Variants in PPP2R3A observed in about 807,000 individuals in gnomAD.
PPP2R3A encodes the protein protein phosphatase 2 regulatory subunit B''alpha, also known as serine/threonine-protein phosphatase 2A regulatory subunit B'' subunit alpha.
PPP2R3A carries 80 observed loss-of-function variants against 106.9 expected under a neutral mutation model. The observed-to-expected ratio is 0.75, with a 90% confidence interval of 0.62 to 0.90. The LOEUF (loss-of-function observed/expected upper bound fraction) is 0.90. Among genes scored for constraint, PPP2R3A ranks in the 40% least tolerant of loss-of-function variants. PPP2R3A has a pLI of 0.00. For missense variants in PPP2R3A, 1,386 were observed against 1,350.4 expected (o/e 1.03, Z -0.41); for synonymous variants, 483 against 468.3 (o/e 1.03, Z -0.41).
intron 10 of PPP2R3A, among the ~76,000 whole-genome samples, chr3:136,093,141 A>C (rs910750102): frequency 6.6e-6 from 1 of 152,330 alleles, no homozygotes; most frequent in African/African-American, 2.4e-5. Context: ...GGATGTGATG[A>C]CTCATGCCAG....
chr3:136,126,484 G>T (rs1938186824), intron 13 of PPP2R3A, among the ~76,000 whole-genome samples: 1 of 152,232 alleles, frequency 6.6e-6, no homozygotes, highest in Non-Finnish European at 1.5e-5. Flanking sequence ...GAACTGGGCA[G>T]AGCCCACCAC....
chr3:136,095,674 G>A (rs1937199484), intron 10 of PPP2R3A, among the ~76,000 whole-genome samples: 1 of 152,094 alleles, frequency 6.6e-6, no homozygotes, highest in South Asian at 2.1e-4. Context: ...TCATGAAATT[G>A]CTTGTTGCTT....
intron 5 of PPP2R3A, among the ~76,000 whole-genome samples, chr3:136,061,395 A>G (rs961157568): frequency 4.6e-5 from 7 of 152,136 alleles, no homozygotes; most frequent in Admixed American, 2.0e-4. Flanking sequence ...TGGGAAGCCA[A>G]GGCGGGCGGA....
chr3:136,102,985 G>A (rs1233486960), intron 11 of PPP2R3A, among the ~76,000 whole-genome samples: 1 of 152,092 alleles, frequency 6.6e-6, no homozygotes, highest in Admixed American at 6.5e-5. Context: ...GGTAATGGTT[G>A]TACAACATTG....
At chr3:136,049,081 T>C (rs1198450960) in intron 4 of PPP2R3A, among the ~76,000 whole-genome samples, 178 bp from the exon 5 acceptor site, 1 of 152,214 alleles carries the variant, frequency 6.6e-6, no homozygotes, top group African/African-American at 2.4e-5. Flanking sequence ...TAGACTTCAG[T>C]ACTCATCCAA....
chr3:136,048,630 C>T (rs1442002555), intron 4 of PPP2R3A, among the ~76,000 whole-genome samples: 1 of 151,610 alleles, frequency 6.6e-6, no homozygotes, highest in African/African-American at 2.4e-5. Context: ...TGAGATTGTG[C>T]CACTGCACTC....
intron 5 of PPP2R3A, among the ~76,000 whole-genome samples, chr3:136,054,187 A>G (rs539208712): frequency 1.1e-4 from 17 of 151,838 alleles, no homozygotes; most frequent in South Asian, 4.2e-4. Context: ...CCCTACACAC[A>G]TACACATACA....
chr3:136,097,931 A>G (rs1374663823), intron 10 of PPP2R3A, among the ~76,000 whole-genome samples: 1 of 152,238 alleles, frequency 6.6e-6, no homozygotes, highest in East Asian at 1.9e-4. Flanking sequence ...ATAGTTTGAC[A>G]GTGGGGCAGC....
intron 1 of PPP2R3A, among the ~76,000 whole-genome samples, chr3:135,970,257 G>A (rs2107744459): frequency 6.6e-6 from 1 of 152,316 alleles, no homozygotes; most frequent in South Asian, 2.1e-4. Flanking sequence ...ATGAGAAGTG[G>A]CCACAGAGGT....
chr3:136,045,480 C>T (rs1471794020), intron 4 of PPP2R3A, among the ~76,000 whole-genome samples: 1 of 152,192 alleles, frequency 6.6e-6, no homozygotes, highest in Non-Finnish European at 1.5e-5. Context: ...TGGGCCACAA[C>T]CTCTACCCAA....
At chr3:136,083,535 A>G (rs1936846188) in intron 8 of PPP2R3A, among the ~76,000 whole-genome samples, 1 of 152,206 alleles carries the variant, frequency 6.6e-6, no homozygotes, top group African/African-American at 2.4e-5. Flanking sequence ...AGTCTCAGGT[A>G]TGTCTTTACT....
chr3:136,068,217 C>T (rs1936320202), intron 5 of PPP2R3A, among the ~76,000 whole-genome samples: 1 of 152,110 alleles, frequency 6.6e-6, no homozygotes, highest in African/African-American at 2.4e-5. Context: ...GACCCTGTCT[C>T]ATTTATAAAA....
chr3:136,061,637 G>A (rs995290958), intron 5 of PPP2R3A, among the ~76,000 whole-genome samples: 2 of 150,690 alleles, frequency 1.3e-5, no homozygotes, highest in African/African-American at 2.4e-5. Flanking sequence ...AAAAGCAAGC[G>A]AGGCCGGGCA....
chr3:136,055,762 AG>A, intron 5 of PPP2R3A: 1 of 642,010 alleles, frequency 1.6e-6, no homozygotes. Context: ...TGTGGTGATG[AG>A]AATTTTTTAA....
At chr3:136,019,221 G>A (rs1392207411) in intron 2 of PPP2R3A, among the ~76,000 whole-genome samples, 2 of 152,194 alleles carry the variant, frequency 1.3e-5, no homozygotes, top group African/African-American at 4.8e-5. Context: ...ATTATATGCT[G>A]CAGGGAGCAG....
In PPP2R3A at chr3:136,003,244, A is replaced by T. The variant is rs148913906; in HGVS notation, c.1746A>T (p.Lys582Asn). Residue 582 changes from lysine (K) to asparagine (N), a missense_variant, in exon 2 of 14, where the codon AAA becomes AAT. Coordinates refer to ENST00000264977, the MANE Select transcript of PPP2R3A (RefSeq NM_002718.5). ...LTRIIETNGH[K>N]IEEEDRALLL... ...GGATTATTGAAACCAATGGACACAA[A>T]ATAGAGGAAGAGGATCGAGCCCTCT... The T allele has an allele frequency of 1.9e-5, 31 of 1,613,836 alleles. No individual in the cohort carries two copies. The highest frequency in any genetic ancestry group is 2.5e-5 in the Non-Finnish European group (29 of 1,179,912).
intron 5 of PPP2R3A, among the ~76,000 whole-genome samples, chr3:136,058,980 A>G (rs575809671): frequency 2.5e-4 from 38 of 152,360 alleles, no homozygotes; most frequent in African/African-American, 8.9e-4. Flanking sequence ...ACCATATACA[A>G]AAATTAACTC....
chr3:135,994,951 A>G (rs1288501390), intron 1 of PPP2R3A, among the ~76,000 whole-genome samples: 1 of 152,220 alleles, frequency 6.6e-6, no homozygotes, highest in Non-Finnish European at 1.5e-5. Context: ...TTCATTAGGA[A>G]CTGCCATATA....
intron 2 of PPP2R3A, among the ~76,000 whole-genome samples, chr3:136,003,713 C>G (rs1441825263): frequency 6.6e-6 from 1 of 151,878 alleles, no homozygotes; most frequent in African/African-American, 2.4e-5. Flanking sequence ...CAGACTGGTT[C>G]CTACTGCCCT....
Sources: gnomAD v4.1 joint callset for allele counts (sites outside exome capture counted in the v4.1 genomes callset) on GRCh38, gnomAD v4.1.1 for gene constraint, MANE v1.5 for transcripts, NCBI Gene and HGNC (gene_info 2026-07-23, HGNC 2026-07-21) for gene names.